The following NHS variants were observed in gnomAD, a reference collection of about 807,000 sequenced individuals.
NHS encodes the protein NHS actin remodeling regulator.
Under a neutral mutation model 72.5 loss-of-function variants are expected in NHS, and 5 were observed. The ratio of observed to expected loss-of-function variants is 0.07; its 90% confidence interval spans 0.04 to 0.14. The LOEUF (loss-of-function observed/expected upper bound fraction) is 0.14. Ranked by LOEUF, NHS falls within the 10% of genes least tolerant of loss-of-function variation. The pLI is 1.00. For missense variants in NHS, 1,072 were observed against 1,355.7 expected (o/e 0.79, Z 3.29); for synonymous variants, 464 against 547.7 (o/e 0.85, Z 2.13).
rs59367930 is a variant in NHS at position 17,604,228 on chromosome X, T to TCACACACA, written c.566-83481_566-83474dup. Among the ~76,000 whole-genome samples, 531 of 92,255 alleles carry TCACACACA rather than the reference T, an allele frequency of 5.8e-3. 2 individuals are homozygous for TCACACACA. The highest frequency in any genetic ancestry group is 0.018 in the African/African-American group (443 of 24,706). 80.1% of individuals were successfully genotyped at this position (92,255 alleles called of 115,157 possible). A position where few individuals can be genotyped will look rare whatever the true frequency, so the allele number is the denominator to read the frequency against. On this transcript the variant is annotated intron_variant, in intron 1 of 8. Transcript: ENST00000676302. ...ATGGTTTCCTCAGGATATTAATAGA[T>TCACACACA]CACACACACACACACACACACACAC...
chrX:17,727,155 G>A lies in NHS; in HGVS notation c.3049G>A (p.Gly1017Ser), dbSNP rs762040547. 6 of 1,211,790 alleles carry A rather than the reference G, an allele frequency of 5.0e-6. No individual in the cohort carries two copies. In the Admixed American group the frequency reaches 1.1e-4, roughly 22 times the overall value. The change falls in exon 7 of 9, where the codon GGC (glycine) becomes AGC (serine). Residue 1017 changes from glycine (G) to serine (S), a missense_variant. Coordinates refer to ENST00000676302, the MANE Select transcript of NHS (RefSeq NM_001291867.2). ...FKLASPEKLA[G>S]LASPSSGYSS... ...ACTGGCTTCACCAGAAAAGCTGGCT[G>A]GCTTGGCATCTCCATCAAGTGGCTA...
At chrX:17,474,559 A>G (rs1181356632) in intron 1 of NHS, among the ~76,000 whole-genome samples, 1 of 111,548 alleles carries the variant, frequency 9.0e-6, no homozygotes, top group African/African-American at 3.3e-5. Context: ...GAGCTGAACC[A>G]CCATGCAGTA....
intron 1 of NHS, among the ~76,000 whole-genome samples, chrX:17,390,527 G>A (rs2064439366): frequency 9.0e-6 from 1 of 111,507 alleles, no homozygotes; most frequent in Non-Finnish European, 1.9e-5. Flanking sequence ...GAAGTCATAG[G>A]GCTTTCTGCT....
chrX:17,489,126 C>A (rs1232926842), intron 1 of NHS, among the ~76,000 whole-genome samples: 2 of 111,837 alleles, frequency 1.8e-5, no homozygotes, highest in Non-Finnish European at 3.8e-5. Flanking sequence ...TGAATTCATC[C>A]TTTTTTATGG....
At chrX:17,615,092 G>GTATA (rs1427501082) in intron 1 of NHS, among the ~76,000 whole-genome samples, 1 of 94,275 alleles carries the variant, frequency 1.1e-5, no homozygotes, top group Non-Finnish European at 2.1e-5. Flanking sequence ...ATATATGTGT[G>GTATA]TATATATATA....
At chrX:17,626,767 A>G (rs1053272449) in intron 1 of NHS, among the ~76,000 whole-genome samples, 1 of 112,258 alleles carries the variant, frequency 8.9e-6, no homozygotes, top group Non-Finnish European at 1.9e-5. Flanking sequence ...TTATAACTCA[A>G]AGGCAGCAAA....
intron 1 of NHS, among the ~76,000 whole-genome samples, chrX:17,531,168 G>A (rs1311353399): frequency 1.8e-5 from 2 of 109,735 alleles, no homozygotes; most frequent in Non-Finnish European, 3.8e-5. Flanking sequence ...TTTTGGAGAG[G>A]CCAGTACCTC....
intron 1 of NHS, among the ~76,000 whole-genome samples, chrX:17,665,069 T>C (rs1048697707): frequency 1.5e-4 from 16 of 109,565 alleles, no homozygotes; most frequent in African/African-American, 4.9e-4. Flanking sequence ...TATGTATGTA[T>C]ATATAAATGC....
At chrX:17,526,877 A>G (rs1182101165) in intron 1 of NHS, among the ~76,000 whole-genome samples, 2 of 112,779 alleles carry the variant, frequency 1.8e-5, no homozygotes, top group African/African-American at 6.5e-5. Flanking sequence ...TCATGAATGC[A>G]TATGTCACTT....
chrX:17,568,246 G>C (rs774799236), intron 1 of NHS, among the ~76,000 whole-genome samples: 3 of 112,049 alleles, frequency 2.7e-5, no homozygotes, highest in South Asian at 7.4e-4. Flanking sequence ...TGCCATCCAG[G>C]TGAGCTGTCC....
At chrX:17,486,692 A>T (rs2064968905) in intron 1 of NHS, among the ~76,000 whole-genome samples, 1 of 112,145 alleles carries the variant, frequency 8.9e-6, no homozygotes, top group South Asian at 3.7e-4. Context: ...GTAGTAAAAT[A>T]TACTTTGCCT....
At chrX:17,606,496 A>T (rs1280708022) in intron 1 of NHS, among the ~76,000 whole-genome samples, 3 of 111,121 alleles carry the variant, frequency 2.7e-5, no homozygotes, top group Non-Finnish European at 3.8e-5. Flanking sequence ...GTTTGCAGGG[A>T]GTTGTTTCTC....
intron 1 of NHS, among the ~76,000 whole-genome samples, chrX:17,417,325 ATTTTTTAAAAGG>A (rs1488344059): frequency 1.3e-4 from 15 of 112,210 alleles, no homozygotes; most frequent in Non-Finnish European, 2.6e-4. Context: ...ACAAGAACAT[ATTTTTTAAAAGG>A]TTTTTTAAAA....
At chrX:17,652,688 TAAC>T (rs2065936206) in intron 1 of NHS, among the ~76,000 whole-genome samples, 1 of 111,699 alleles carries the variant, frequency 9.0e-6, no homozygotes, top group South Asian at 3.8e-4. Flanking sequence ...TGACTATAGT[TAAC>T]AAGAATTTAT....
At chrX:17,567,210 C>G (rs538224500) in intron 1 of NHS, among the ~76,000 whole-genome samples, 4 of 112,099 alleles carry the variant, frequency 3.6e-5, no homozygotes, top group African/African-American at 9.7e-5. Context: ...CTCAGTGTTT[C>G]TCAGTAACCA....
At chrX:17,536,650 T>TA (rs766956460) in intron 1 of NHS, among the ~76,000 whole-genome samples, 1 of 112,627 alleles carries the variant, frequency 8.9e-6, no homozygotes, top group South Asian at 3.7e-4. Context: ...ACAGAAAAGT[T>TA]AGAGGAACCC....
intron 1 of NHS, among the ~76,000 whole-genome samples, chrX:17,446,675 A>G (rs1685417129): frequency 9.0e-6 from 1 of 111,011 alleles, no homozygotes; most frequent in African/African-American, 3.3e-5. Flanking sequence ...AAAAAAATCA[A>G]TAAAATAAAA....
intron 1 of NHS, among the ~76,000 whole-genome samples, chrX:17,561,117 T>C (rs2065409826): frequency 8.9e-6 from 1 of 112,096 alleles, no homozygotes; most frequent in Admixed American, 9.4e-5. Flanking sequence ...AAGTCTTGGG[T>C]ATCCCTATGC....
chrX:17,434,216 G>A (rs1245613963), intron 1 of NHS, among the ~76,000 whole-genome samples: 1 of 111,862 alleles, frequency 8.9e-6, no homozygotes, highest in Non-Finnish European at 1.9e-5. Context: ...GAGTTTGGAA[G>A]CTGTGGTCTA....
Sources: allele counts gnomAD v4.1 joint callset (sites outside exome capture counted in the v4.1 genomes callset), GRCh38; gene constraint gnomAD v4.1.1; transcripts MANE v1.5; gene names NCBI Gene and HGNC (gene_info 2026-07-23, HGNC 2026-07-21).